Variants in TENM2 observed in about 807,000 individuals in gnomAD.
TENM2 encodes the protein teneurin-2.
In TENM2, 52 loss-of-function variants were observed where a neutral mutation model predicts 245.2. The observed-to-expected ratio is 0.21, with a 90% CI of 0.17 to 0.27. The LOEUF (loss-of-function observed/expected upper bound fraction) is 0.27, where lower values mean the gene tolerates loss of function less well. TENM2 is among the 10% of genes least tolerant of loss of function. The pLI is 1.00. For synonymous variants in TENM2, 1,363 were observed against 1,438.9 expected (o/e 0.95, Z 1.19); for missense variants, 3,046 against 3,666.8 (o/e 0.83, Z 4.37).
At chr5:168,084,257 C>T (rs1371314656) in intron 7 of TENM2, among the ~76,000 whole-genome samples, 1 of 152,184 alleles carries the variant, frequency 6.6e-6, no homozygotes, top group Non-Finnish European at 1.5e-5. Context: ...GATTTGTTTT[C>T]TTTTGGATAT....
chr5:167,694,248 C>G (rs879268709), intron 2 of TENM2, among the ~76,000 whole-genome samples: 8 of 152,232 alleles, frequency 5.3e-5, no homozygotes, highest in Admixed American at 5.2e-4. Context: ...AGGGCTGGTT[C>G]TCAATTATGG....
At chr5:167,961,025 G>A (rs1171096387) in intron 4 of TENM2, among the ~76,000 whole-genome samples, 3 of 152,218 alleles carry the variant, frequency 2.0e-5, no homozygotes, top group Non-Finnish European at 4.4e-5. Context: ...TCTGTGGGCT[G>A]TACCCACTGT....
At chr5:167,177,350 A>C in the TENM2 span, among the ~76,000 whole-genome samples, 1 of 152,224 alleles carries the variant, frequency 6.6e-6, no homozygotes, top group East Asian at 1.9e-4. Flanking sequence ...TCCTCTTTAA[A>C]GATGTCCTGT....
intron 2 of TENM2, among the ~76,000 whole-genome samples, chr5:167,486,605 G>A (rs1051363758): frequency 6.6e-6 from 1 of 152,126 alleles, no homozygotes; most frequent in Non-Finnish European, 1.5e-5. Flanking sequence ...TGGGATTACA[G>A]GCGTTAGCCA....
chr5:168,039,232 C>T (rs1180614729), intron 5 of TENM2, among the ~76,000 whole-genome samples: 6 of 152,208 alleles, frequency 3.9e-5, no homozygotes, highest in African/African-American at 1.2e-4. Context: ...CCGCGTGCCA[C>T]GTGCAGCCTG....
At chr5:168,166,500 A>G (rs1758319980) in intron 13 of TENM2, among the ~76,000 whole-genome samples, 1 of 152,190 alleles carries the variant, frequency 6.6e-6, no homozygotes, top group South Asian at 2.1e-4. Context: ...CTAATACTTT[A>G]TGGCCACTAG....
chr5:167,222,092 A>G, the TENM2 span, among the ~76,000 whole-genome samples: 1 of 152,186 alleles, frequency 6.6e-6, no homozygotes, highest in Non-Finnish European at 1.5e-5. Flanking sequence ...TTAGAAAAAA[A>G]TTGGCCCAGC....
the TENM2 span, among the ~76,000 whole-genome samples, chr5:167,005,070 A>T: frequency 6.6e-6 from 1 of 152,224 alleles, no homozygotes; most frequent in African/African-American, 2.4e-5. Context: ...TTTAAATAAA[A>T]AAAACTAAAA....
chr5:167,220,100 T>C, the TENM2 span, among the ~76,000 whole-genome samples: 1 of 152,204 alleles, frequency 6.6e-6, no homozygotes, highest in Non-Finnish European at 1.5e-5. Flanking sequence ...TTGGGTCAGA[T>C]AGATATTTGC....
chr5:167,854,094 T>G (rs180768817), intron 2 of TENM2, among the ~76,000 whole-genome samples: 1 of 152,340 alleles, frequency 6.6e-6, no homozygotes, highest in Admixed American at 6.5e-5. Flanking sequence ...TTTCTTTTTA[T>G]TTTAAAAGCC....
the TENM2 span, among the ~76,000 whole-genome samples, chr5:167,266,912 A>G: frequency 6.6e-6 from 1 of 152,156 alleles, no homozygotes; most frequent in East Asian, 1.9e-4. Flanking sequence ...CACCTGCAAT[A>G]TCTTCAGTTG....
chr5:167,694,552 T>G (rs751661586), intron 2 of TENM2, among the ~76,000 whole-genome samples: 16 of 152,172 alleles, frequency 1.1e-4, no homozygotes, highest in Non-Finnish European at 2.1e-4. Context: ...TCATGGGAGG[T>G]TCCTTCATGC....
At chr5:168,146,738 G>T (rs1756119548) in intron 12 of TENM2, among the ~76,000 whole-genome samples, 1 of 152,148 alleles carries the variant, frequency 6.6e-6, no homozygotes, top group South Asian at 2.1e-4. Context: ...CATTTCACAG[G>T]TGACAAAACT....
chr5:167,489,234 C>T (rs900321573), intron 2 of TENM2, among the ~76,000 whole-genome samples: 1 of 152,200 alleles, frequency 6.6e-6, no homozygotes, highest in Non-Finnish European at 1.5e-5. Flanking sequence ...CTCTGTTGCA[C>T]TCAAAGTAAG....
intron 5 of TENM2, among the ~76,000 whole-genome samples, chr5:168,036,706 T>G: frequency 1.0e-5 from 1 of 98,778 alleles, no homozygotes; most frequent in East Asian, 2.8e-4. Flanking sequence ...TATATGTATG[T>G]GTATATATAT....
chr5:167,333,690 G>T (rs373780379), intron 1 of TENM2, among the ~76,000 whole-genome samples: 16 of 152,260 alleles, frequency 1.1e-4, no homozygotes, highest in African/African-American at 3.9e-4. Context: ...TGTTGTTCTT[G>T]TCCCTTTGCT....
At chr5:167,419,061 C>T (rs769297555) in intron 2 of TENM2, among the ~76,000 whole-genome samples, 16 of 151,944 alleles carry the variant, frequency 1.1e-4, no homozygotes, top group South Asian at 2.1e-4. Context: ...TTTACATATA[C>T]GTTTCATATC....
rs541301759 is a variant in TENM2 at position 167,419,108 on chromosome 5, CAT to C, written c.502+43636_502+43637del. ...CATACTATATGTATATACACACACACATGAAAACTTAGATGTGTATGTAGATA... is the reference window on the plus strand; with the variant it reads ...CATACTATATGTATATACACACACACGAAAACTTAGATGTGTATGTAGATA... On this transcript the variant is annotated intron_variant, in intron 2 of 28. Coordinates refer to ENST00000518659, the Ensembl canonical transcript of TENM2. 3.9e-3 allele frequency among the ~76,000 whole-genome samples: 512 copies of C among 132,274 alleles called. 7 individuals are homozygous for C. Among genetic ancestry groups the C allele is most frequent in the African/African-American group, 0.013 (494 of 37,962 alleles). 86.8% of individuals were successfully genotyped at this position (132,274 alleles called of 152,430 possible). A position where few individuals can be genotyped will look rare whatever the true frequency, so the allele number is the denominator to read the frequency against.
chr5:167,768,125 G>C (rs1175525268), intron 2 of TENM2, among the ~76,000 whole-genome samples: 1 of 152,092 alleles, frequency 6.6e-6, no homozygotes, highest in African/African-American at 2.4e-5. Context: ...GTTCCCCTGT[G>C]CTGTGTTGAC....
Sources: gnomAD v4.1 joint callset for allele counts (sites outside exome capture counted in the v4.1 genomes callset) on GRCh38, gnomAD v4.1.1 for gene constraint, MANE v1.5 for transcripts, NCBI Gene and HGNC (gene_info 2026-07-23, HGNC 2026-07-21) for gene names.